ARHGAP30: variants seen among roughly 807,000 people sequenced by gnomAD.
The protein encoded by ARHGAP30 is rho GTPase-activating protein 30.
ARHGAP30 carries 23 observed loss-of-function variants against 72.0 expected under a neutral mutation model. That is an observed-to-expected ratio of 0.32 (90% confidence interval 0.23 to 0.45). The LOEUF (loss-of-function observed/expected upper bound fraction) is 0.45. ARHGAP30 is among the 20% of genes least tolerant of loss of function. The pLI is 1.00. For synonymous variants in ARHGAP30, 576 were observed against 528.2 expected (o/e 1.09, Z -1.24); for missense variants, 1,319 against 1,383.4 (o/e 0.95, Z 0.74).
At chr1:161,058,023 C>T (rs555339734) in intron 2 of ARHGAP30, among the ~76,000 whole-genome samples, 4 of 151,942 alleles carry the variant, frequency 2.6e-5, no homozygotes, top group East Asian at 1.9e-4. Context: ...TGGTGGCGCT[C>T]GCCTGTAATC....
chr1:161,049,148 G>A lies in ARHGAP30; in HGVS notation c.1873C>T (p.Pro625Ser). ...AGACTCCCTGAACCCTTCCAGATTG[G>A]GGGTTTAGGTCCCAGAAGGGGACTT... ...DLSPLLGPKP[P>S]IWKGSGSLEG... Residue 625 changes from proline to serine, a missense_variant, in exon 12 of 12, where the codon CCA becomes TCA. Pro to Ser is a moderately conservative substitution (Grantham distance 74). Around this residue, in one of 2 missense-constraint regions of ARHGAP30, gnomAD observed 1,097 missense variants for 1,045.2 expected, o/e 1.05. Coordinates refer to ENST00000368013, the MANE Select transcript of ARHGAP30 (RefSeq NM_001025598.2). 6.2e-7 allele frequency: 1 copy of A among 1,614,146 alleles called. No homozygotes were observed.
Position 161,059,643 on chromosome 1 carries a change from T to A in ARHGAP30, c.171A>T (p.Ser57=), listed in dbSNP as rs1652172028. The change falls in exon 2 of 12, where the codon TCA becomes TCT. Residue 57 remains serine, a synonymous_variant. Transcript: ENST00000368013. ...YGVVDGIYRL[S]GVSSNIQKLR... ...GCTTCTGGATGTTGGAGGAGACCCC[T>A]GAGAGGCGGTAGATCCCATCCACCA... 6.2e-7 allele frequency: 1 copy of A among 1,613,606 alleles called. No individual in the cohort carries two copies. The highest frequency in any genetic ancestry group is 1.3e-5 in the African/African-American group (1 of 74,882).
Position 161,047,562 on chromosome 1 carries a change from A to AGT in ARHGAP30, c.*151_*152dup. 1.4e-6 allele frequency: 1 copy of AGT among 713,952 alleles called. No individual in the cohort carries two copies. Among genetic ancestry groups the AGT allele is most frequent in the Non-Finnish European group, 2.1e-6 (1 of 483,568 alleles). 44.2% of individuals were successfully genotyped at this position (713,952 alleles called of 1,614,324 possible). ...CAAGTTCAGGTAAACCAACCAAGGC[A>AGT]GTGCCTCCCACAGTCAAAGAGAGAA... On this transcript the variant is annotated 3_prime_UTR_variant, in exon 12 of 12. Transcript: ENST00000368013.
In ARHGAP30 at chr1:161,064,779, A is replaced by AAGAAAG. The variant is rs1306731099; in HGVS notation, c.97+4748_97+4749insCTTTCT. ...AGAAAGAGAAAGAAAGAAAGAAAGAAAAAGAAAGAAAGAAAGAAAGAAAGA... is the reference window on the plus strand; with the variant it reads ...AGAAAGAGAAAGAAAGAAAGAAAGAAAGAAAGAAAGAAAGAAAGAAAGAAAGAAAGA... On this transcript the variant is annotated intron_variant, in intron 1 of 11. Coordinates refer to ENST00000368013, the MANE Select transcript of ARHGAP30 (RefSeq NM_001025598.2). 4.9e-3 allele frequency among the ~76,000 whole-genome samples: 485 copies of AAGAAAG among 98,126 alleles called. 7 individuals carry two copies. Among genetic ancestry groups the AAGAAAG allele is most frequent in the Middle Eastern group, 9.7e-3 (2 of 206 alleles). The allele number at this position is 98,126 out of a possible 152,430, so 64.4% of individuals were successfully genotyped here.
intron 2 of ARHGAP30, among the ~76,000 whole-genome samples, chr1:161,059,342 T>G (rs867124975): frequency 9.2e-5 from 14 of 152,054 alleles, no homozygotes; most frequent in South Asian, 2.1e-4. Context: ...GTTTTTTTTT[T>G]TTTTTTTTTT....
At chr1:161,053,860 G>A (rs551095798) in intron 5 of ARHGAP30, among the ~76,000 whole-genome samples, 1 of 152,292 alleles carries the variant, frequency 6.6e-6, no homozygotes, top group Non-Finnish European at 1.5e-5. Context: ...GAGGTCAGGA[G>A]TTCAAGATCA....
At chr1:161,063,627 A>G (rs1324552641) in intron 1 of ARHGAP30, among the ~76,000 whole-genome samples, 1 of 152,250 alleles carries the variant, frequency 6.6e-6, no homozygotes, top group Non-Finnish European at 1.5e-5. Flanking sequence ...GATAACATCA[A>G]TTGTTCAGGG....
intron 3 of ARHGAP30, among the ~76,000 whole-genome samples, chr1:161,055,901 A>T (rs1317930132): frequency 6.3e-4 from 16 of 25,338 alleles, no homozygotes; most frequent in African/African-American, 1.6e-3. Context: ...AAAATAAAAT[A>T]AAATAAAATA....
In ARHGAP30 at chr1:161,049,709, C is replaced by T. The variant is rs763243224; in HGVS notation, c.1421-20G>A. 5 of 1,607,212 alleles carry T rather than the reference C, an allele frequency of 3.1e-6. No homozygotes were observed. Among genetic ancestry groups the T allele is most frequent in the East Asian group, 4.5e-5 (2 of 44,826 alleles). On this transcript the variant is annotated intron_variant, in intron 10 of 11. Coordinates refer to ENST00000368013, the MANE Select transcript of ARHGAP30 (RefSeq NM_001025598.2). ...TTTCATCTGTTGGGGGAGAAGTAGT[C>T]CCAGGAATACAAAGGTCAAGCCCTG...
chr1:161,067,387 T>C (rs1309247250), intron 1 of ARHGAP30, among the ~76,000 whole-genome samples: 4 of 151,898 alleles, frequency 2.6e-5, no homozygotes, highest in Non-Finnish European at 5.9e-5. Context: ...CTGGCCAACA[T>C]GGTGAAACCC....
At chr1:161,065,921 G>C (rs895945402) in intron 1 of ARHGAP30, among the ~76,000 whole-genome samples, 4 of 144,486 alleles carry the variant, frequency 2.8e-5, no homozygotes, top group Non-Finnish European at 4.5e-5. Context: ...ATTTGAGACA[G>C]AGTCTCACTT....
rs747362973 is a variant in ARHGAP30 at position 161,052,756 on chromosome 1, G to A, written c.706C>T (p.Arg236Trp). ...ESGWRSLPGT[R>W]ASGSPEDLMP... ...AGGTCCTCGGGGCTGCCTGATGCCC[G>A]GGTCCCTGGAAGCGATCGCCACCCA... is the stretch of plus-strand genomic sequence containing the variant. Residue 236 changes from arginine (R) to tryptophan (W), a missense_variant, in exon 7 of 12, where the codon CGG (arginine) becomes TGG (tryptophan). Physicochemically the swap from Arg to Trp is moderately radical, Grantham distance 101. This residue lies in a region of ARHGAP30 where 222 missense variants were observed against 338.2 expected (regional missense o/e 0.66). Coordinates refer to ENST00000368013, the MANE Select transcript of ARHGAP30 (RefSeq NM_001025598.2). The A allele has an allele frequency of 2.3e-5, 37 of 1,611,788 alleles. No homozygotes were observed. Among genetic ancestry groups the A allele is most frequent in the South Asian group, 1.1e-4 (10 of 90,998 alleles).
chr1:161,067,947 G>A lies in ARHGAP30; in HGVS notation c.97+1581C>T, dbSNP rs556790591. ...ATCAACCCACCCTTGGGTTCTGTGA[G>A]GTTCTGGTCTCCTGCTCTCGGATTC... is the stretch of plus-strand genomic sequence containing the variant. On this transcript the variant is annotated intron_variant, in intron 1 of 11. Transcript: ENST00000368013. 2.0e-5 allele frequency among the ~76,000 whole-genome samples: 3 copies of A among 152,266 alleles called. No individual in the cohort carries two copies. In the South Asian group the frequency reaches 6.2e-4, roughly 32 times the overall value.
intron 2 of ARHGAP30, among the ~76,000 whole-genome samples, chr1:161,059,217 C>T (rs1040617557): frequency 2.0e-5 from 3 of 151,850 alleles, no homozygotes; most frequent in Admixed American, 6.6e-5. Context: ...TTAGTAGAGA[C>T]GGGGTTTCAC....
Position 161,064,831 on chromosome 1 carries a change from G to GAAAGAA in ARHGAP30, c.97+4696_97+4697insTTCTTT, listed in dbSNP as rs1231950263. Among the ~76,000 whole-genome samples, 79 of 73,890 alleles carry GAAAGAA rather than the reference G, an allele frequency of 1.1e-3. 5 individuals are homozygous for GAAAGAA. Among genetic ancestry groups the GAAAGAA allele is most frequent in the African/African-American group, 2.2e-3 (29 of 13,294 alleles). 48.5% of individuals were successfully genotyped at this position (73,890 alleles called of 152,430 possible). A position where few individuals can be genotyped will look rare whatever the true frequency, so the allele number is the denominator to read the frequency against. On this transcript the variant is annotated intron_variant, in intron 1 of 11. Transcript: ENST00000368013. ...AGAAAGAAAGAAAGAAAGAAAGAAA[G>GAAAGAA]AGAAAGAAAGAAAGAAAGGAAAGGA...
In ARHGAP30 at chr1:161,048,770, C is replaced by T; in HGVS notation, c.2251G>A (p.Glu751Lys). Residue 751 changes from glutamate (E) to lysine (K), a missense_variant, in exon 12 of 12, where the codon GAG (glutamate) becomes AAG (lysine). By Grantham distance (56) the Glu-to-Lys change is moderately conservative. Around this residue, in one of 2 missense-constraint regions of ARHGAP30, gnomAD observed 1,097 missense variants for 1,045.2 expected, o/e 1.05. Coordinates refer to ENST00000368013, the MANE Select transcript of ARHGAP30 (RefSeq NM_001025598.2). ...TCTCTTTGTTCATCCTCTTCTCTCT[C>T]AATTTCTTTTTCCTTCTCATCTGTA... is the stretch of plus-strand genomic sequence containing the variant. ...EYTDEKEKEI[E>K]REEDEQREEA... The T allele has an allele frequency of 6.2e-7, 1 of 1,614,102 alleles. No individual in the cohort carries two copies. Among genetic ancestry groups the T allele is most frequent in the Admixed American group, 1.7e-5 (1 of 60,014 alleles).
Position 161,049,033 on chromosome 1 carries a change from G to A in ARHGAP30, c.1988C>T (p.Ala663Val), listed in dbSNP as rs1651133320. Residue 663 changes from alanine to valine, a missense_variant, in exon 12 of 12, where the codon GCT becomes GTT. By Grantham distance (64) the Ala-to-Val change is moderately conservative (BLOSUM62 0). Transcript: ENST00000368013. ...GATGTCTAGCCTGCCTCCAGGCTCA[G>A]CCTGCTTGTCCTCCCCAACTTCCCA... The part of the protein sequence containing the change: ...ACWEVGEDKQ[A>V]EPGGRLDIRE... 2 of 1,613,914 alleles carry A rather than the reference G, an allele frequency of 1.2e-6. No individual in the cohort carries two copies. Among genetic ancestry groups the A allele is most frequent in the African/African-American group, 2.7e-5 (2 of 75,000 alleles).
intron 1 of ARHGAP30, among the ~76,000 whole-genome samples, chr1:161,066,707 G>A (rs1481664382): frequency 1.4e-5 from 2 of 145,818 alleles, no homozygotes; most frequent in East Asian, 2.1e-4. Context: ...CTGAAAGTGA[G>A]TGCTTCCTTA....
chr1:161,050,526 C>T (rs184760447), intron 10 of ARHGAP30, among the ~76,000 whole-genome samples: 4 of 152,024 alleles, frequency 2.6e-5, no homozygotes, highest in Non-Finnish European at 4.4e-5. Context: ...CCAGGCTGGT[C>T]TCGAACTCCT....
Sources: gnomAD v4.1 joint callset for allele counts (sites outside exome capture counted in the v4.1 genomes callset) on GRCh38, gnomAD v4.1.1 for gene constraint, gnomAD v4.1.1 regional missense constraint, MANE v1.5 for transcripts, NCBI Gene and HGNC (gene_info 2026-07-23, HGNC 2026-07-21) for gene names.